Variants in LLGL2 observed in about 807,000 individuals in gnomAD.
LLGL2 encodes LLGL2, scribble cell polarity complex component.
LLGL2 carries 81 observed loss-of-function variants against 123.2 expected under a neutral mutation model. The observed-to-expected ratio is 0.66, with a 90% CI of 0.55 to 0.79. The LOEUF (loss-of-function observed/expected upper bound fraction) is 0.79, where lower values mean the gene tolerates loss of function less well. Among genes scored for constraint, LLGL2 ranks in the 30% least tolerant of loss-of-function variants. The pLI is 0.00. For missense variants in LLGL2, 1,273 were observed against 1,414.6 expected (o/e 0.90, Z 1.61); for synonymous variants, 577 against 594.1 (o/e 0.97, Z 0.42).
chr17:75,569,657 G>T (rs891068899), intron 14 of LLGL2, among the ~76,000 whole-genome samples: 1 of 152,106 alleles, frequency 6.6e-6, no homozygotes, highest in Non-Finnish European at 1.5e-5. Context: ...ATAAAAATTA[G>T]CCAGGCATTT....
chr17:75,536,042 T>A (rs768499109), intron 1 of LLGL2, among the ~76,000 whole-genome samples: 1 of 152,162 alleles, frequency 6.6e-6, no homozygotes, highest in Non-Finnish European at 1.5e-5. Flanking sequence ...GCGGCCCGGC[T>A]CTAAACCCTG....
Position 75,564,882 on chromosome 17 carries a change from G to C in LLGL2, c.1036+375G>C, listed in dbSNP as rs987186268. On this transcript the variant is annotated intron_variant, in intron 10 of 25. Transcript: ENST00000392550. The surrounding 1 kb of genome is among the most constrained non-coding windows in gnomAD (Gnocchi z 4.9). ...TGTCTCAAAAAAAAAAAAAAAAAGG[G>C]CTCTGCACAGATGTTCCTAAGCCTA... Among the ~76,000 whole-genome samples the C allele has an allele frequency of 8.0e-5, 12 of 149,284 alleles. 1 individual carries two copies. The East Asian group carries it at 1.6e-3, about 19-fold the overall frequency.
chr17:75,569,416 C>A, intron 14 of LLGL2, 91 bp downstream of exon 14: 1 of 1,063,988 alleles, frequency 9.4e-7, no homozygotes, highest in Non-Finnish European at 1.4e-6. Flanking sequence ...GCCTAACGCA[C>A]ATTCTGTGTC....
At chr17:75,535,093 A>G (rs970114290) in intron 1 of LLGL2, among the ~76,000 whole-genome samples, 7 of 152,204 alleles carry the variant, frequency 4.6e-5, no homozygotes, top group Admixed American at 4.6e-4. Context: ...CCAGGGCGAC[A>G]TGGGCACTTG....
chr17:75,532,025 T>G (rs914989690), intron 1 of LLGL2, among the ~76,000 whole-genome samples: 1 of 148,618 alleles, frequency 6.7e-6, no homozygotes, highest in Non-Finnish European at 1.5e-5. Flanking sequence ...CAGGACCATA[T>G]GACTGTAATA....
chr17:75,537,667 A>T (rs1373761925), intron 1 of LLGL2, among the ~76,000 whole-genome samples: 1 of 151,862 alleles, frequency 6.6e-6, no homozygotes, highest in African/African-American at 2.4e-5. Context: ...ACTGCACTTC[A>T]GCCTGGGCGA....
Position 75,558,439 on chromosome 17 carries a change from C to A in LLGL2, c.256-73C>A, listed in dbSNP as rs2055017985. The A allele has an allele frequency of 4.5e-6, 6 of 1,330,822 alleles. No homozygotes were observed. Among genetic ancestry groups the A allele is most frequent in the Non-Finnish European group, 5.2e-6 (5 of 959,578 alleles). 82.4% of individuals were successfully genotyped at this position (1,330,822 alleles called of 1,614,324 possible). On this transcript the variant is annotated intron_variant, in intron 4 of 25. Transcript: ENST00000392550. This position sits in a 1 kb window ranked among gnomAD's most constrained non-coding sequence, Gnocchi z 4.0. ...CAGGGGGTCTTTTAAACAACTGGGG[C>A]TGCGTGGCCCCAGTGTGTAAAGGCC...
At chr17:75,563,670 AG>A in intron 8 of LLGL2, 81 bp from the exon 9 acceptor site, 1 of 1,538,498 alleles carries the variant, frequency 6.5e-7, no homozygotes, top group Non-Finnish European at 9.0e-7. Context: ...ATGTGGCATG[AG>A]CTAGAGGGAT....
chr17:75,534,744 G>A (rs945791480), intron 1 of LLGL2, among the ~76,000 whole-genome samples: 1 of 152,226 alleles, frequency 6.6e-6, no homozygotes, highest in African/African-American at 2.4e-5. Flanking sequence ...ACCTCCCAAA[G>A]TGCTGGGATT....
chr17:75,545,863 G>C (rs1204235566), intron 2 of LLGL2, among the ~76,000 whole-genome samples: 1 of 152,172 alleles, frequency 6.6e-6, no homozygotes, highest in Non-Finnish European at 1.5e-5. Flanking sequence ...ATTGAGCAGG[G>C]TTTCTCAACT....
intron 2 of LLGL2, among the ~76,000 whole-genome samples, chr17:75,547,275 G>A (rs977115157): frequency 1.3e-5 from 2 of 152,278 alleles, no homozygotes; most frequent in Admixed American, 1.3e-4. Flanking sequence ...CTGGCTGTCA[G>A]AGCGGTAACT....
chr17:75,566,219 G>A (rs966102377), intron 10 of LLGL2, among the ~76,000 whole-genome samples: 1 of 152,224 alleles, frequency 6.6e-6, no homozygotes, highest in Admixed American at 6.5e-5. Context: ...GCGCCAGATC[G>A]TATAGAGCCG....
chr17:75,551,433 AG>A (rs2054667406), intron 2 of LLGL2, among the ~76,000 whole-genome samples: 1 of 128,116 alleles, frequency 7.8e-6, no homozygotes, highest in African/African-American at 3.0e-5. Flanking sequence ...TACAAAGCTT[AG>A]TGGGTCTGAC....
At chr17:75,571,516 G>A in intron 17 of LLGL2, 151 bp from the exon 18 acceptor site, 1 of 642,624 alleles carries the variant, frequency 1.6e-6, no homozygotes, top group Non-Finnish European at 2.8e-6. Context: ...AGCTGACCTG[G>A]GATTGGGGTC....
chr17:75,531,010 A>C (rs556247255), intron 1 of LLGL2, among the ~76,000 whole-genome samples: 1 of 152,122 alleles, frequency 6.6e-6, no homozygotes, highest in African/African-American at 2.4e-5. Flanking sequence ...GGGATGTCGG[A>C]GAGTGCAGGA....
At chr17:75,545,883 A>G (rs972452436) in intron 2 of LLGL2, among the ~76,000 whole-genome samples, 4 of 152,166 alleles carry the variant, frequency 2.6e-5, no homozygotes, top group Non-Finnish European at 4.4e-5. Context: ...TTCAGCACTC[A>G]CAGATGATAT....
At chr17:75,567,244 A>G (rs1231493591) in intron 10 of LLGL2, among the ~76,000 whole-genome samples, 1 of 152,152 alleles carries the variant, frequency 6.6e-6, no homozygotes, top group Non-Finnish European at 1.5e-5. Flanking sequence ...ATGGCAGATC[A>G]CCTGAGGTTA....
intron 2 of LLGL2, among the ~76,000 whole-genome samples, chr17:75,548,755 CAAAA>C (rs35218854): frequency 3.9e-4 from 51 of 132,058 alleles, no homozygotes; most frequent in Non-Finnish European, 3.9e-4. Flanking sequence ...GATTCTGTCT[CAAAA>C]AAAAAAAAAA....
chr17:75,539,423 T>C (rs1284310587), intron 1 of LLGL2, among the ~76,000 whole-genome samples: 2 of 151,022 alleles, frequency 1.3e-5, no homozygotes, highest in Non-Finnish European at 2.9e-5. Context: ...CTTTTTTTTT[T>C]AGAGACAGGG....
Sources: allele counts gnomAD v4.1 joint callset (sites outside exome capture counted in the v4.1 genomes callset), GRCh38; gene constraint gnomAD v4.1.1; non-coding constraint Gnocchi (gnomAD v3.1); transcripts MANE v1.5; gene names NCBI Gene and HGNC (gene_info 2026-07-23, HGNC 2026-07-21).